The following SLC25A12 variants were observed in gnomAD, a reference collection of about 807,000 sequenced individuals.
SLC25A12 encodes solute carrier family 25 member 12, also known as electrogenic aspartate/glutamate antiporter SLC25A12, mitochondrial.
Under a neutral mutation model 83.3 loss-of-function variants are expected in SLC25A12, and 32 were observed. The ratio of observed to expected loss-of-function variants is 0.38; its 90% CI spans 0.29 to 0.52. The LOEUF (loss-of-function observed/expected upper bound fraction) is 0.52. SLC25A12 is among the 20% of genes least tolerant of loss of function. The pLI, the probability that SLC25A12 is intolerant of heterozygous loss-of-function variation, is 0.84. For missense variants in SLC25A12, 611 were observed against 835.6 expected, an observed-to-expected ratio of 0.73 and a Z score of 3.31; for synonymous variants, 267 against 291.1, an observed-to-expected ratio of 0.92 and a Z score of 0.84.
intron 13 of SLC25A12, among the ~76,000 whole-genome samples, chr2:171,802,134 C>T (rs1467631372): frequency 6.6e-6 from 1 of 152,052 alleles, no homozygotes; most frequent in African/African-American, 2.4e-5. Context: ...CAATCTTACC[C>T]CATCTCCACC....
chr2:171,867,698 G>A (rs933680023), intron 3 of SLC25A12, among the ~76,000 whole-genome samples: 63 of 152,280 alleles, frequency 4.1e-4, no homozygotes, highest in Non-Finnish European at 6.3e-4. Flanking sequence ...ACACTAACCC[G>A]TAAGTCACAG....
At chr2:171,870,457 A>T (rs1685434725) in intron 2 of SLC25A12, among the ~76,000 whole-genome samples, 1 of 152,018 alleles carries the variant, frequency 6.6e-6, no homozygotes, top group African/African-American at 2.4e-5. Context: ...CCCCATCTCT[A>T]CAAAAATACA....
At position 171,893,276 on chromosome 2, in the gene SLC25A12, A is replaced by G; in HGVS notation, c.13-18T>C. On this transcript the variant is annotated intron_variant, in intron 1 of 17. Coordinates refer to ENST00000422440, the MANE Select transcript of SLC25A12 (RefSeq NM_003705.5). ...GTCTGCACCTGTAAGCAAAAAAGAA[A>G]AAAAAGCCAGTTAATGCTTCACTAG... is the stretch of plus-strand genomic sequence containing the variant. The G allele has an allele frequency of 6.2e-7, 1 of 1,613,266 alleles. No individual in the cohort carries two copies. Among genetic ancestry groups the G allele is most frequent in the Middle Eastern group, 1.6e-4 (1 of 6,062 alleles).
chr2:171,831,813 C>A (rs533342248), intron 8 of SLC25A12, among the ~76,000 whole-genome samples: 1 of 151,966 alleles, frequency 6.6e-6, no homozygotes, highest in South Asian at 2.1e-4. Context: ...GCACAAGAAT[C>A]GCTTGAACCC....
At position 171,813,425 on chromosome 2, in the gene SLC25A12, G is replaced by A; in HGVS notation, c.1085C>T (p.Ser362Phe). The A allele has an allele frequency of 6.2e-7, 1 of 1,614,050 alleles. No individual in the cohort carries two copies. The highest frequency in any genetic ancestry group is 8.5e-7 in the Non-Finnish European group (1 of 1,179,958). Residue 362 changes from serine to phenylalanine, a missense_variant, in exon 11 of 18, where the codon TCT (serine) becomes TTT (phenylalanine). Ser to Phe is a radical substitution (Grantham distance 155, BLOSUM62 -2). Coordinates refer to ENST00000422440, the MANE Select transcript of SLC25A12 (RefSeq NM_003705.5). ...TRMQNQRGSG[S>F]VVGELMYKNS... ...TTTGTACATTAGCTCCCCAACAACA[G>A]AGCCAGAGCCACGCTGGTTTTGCAT...
chr2:171,870,746 G>A (rs1390944335), intron 2 of SLC25A12, among the ~76,000 whole-genome samples: 1 of 152,180 alleles, frequency 6.6e-6, no homozygotes, highest in African/African-American at 2.4e-5. Context: ...GAAATGTGAA[G>A]GGAAATACCA....
At chr2:171,815,022 A>C in intron 10 of SLC25A12, 99 bp downstream of exon 10, 4 of 959,968 alleles carry the variant, frequency 4.2e-6, no homozygotes, top group Non-Finnish European at 6.8e-6. Context: ...GTCGTGACCC[A>C]TGGGAACAAT....
chr2:171,801,691 G>T (rs1050806134), intron 13 of SLC25A12, among the ~76,000 whole-genome samples: 1 of 152,056 alleles, frequency 6.6e-6, no homozygotes, highest in Non-Finnish European at 1.5e-5. Context: ...AATTACATGA[G>T]ATATCCAATA....
At chr2:171,842,582 G>A (rs1336126647) in intron 5 of SLC25A12, among the ~76,000 whole-genome samples, 2 of 152,036 alleles carry the variant, frequency 1.3e-5, no homozygotes, top group East Asian at 3.9e-4. Flanking sequence ...TAACAAGAGC[G>A]AAATTCTGTC....
At chr2:171,825,389 A>G (rs1411266700) in intron 9 of SLC25A12, among the ~76,000 whole-genome samples, 1 of 152,210 alleles carries the variant, frequency 6.6e-6, no homozygotes, top group Admixed American at 6.5e-5. Context: ...CAAGTAGAAG[A>G]AAGGTTTCCT....
chr2:171,839,225 A>C (rs1684620699), intron 5 of SLC25A12, among the ~76,000 whole-genome samples: 1 of 152,240 alleles, frequency 6.6e-6, no homozygotes, highest in Non-Finnish European at 1.5e-5. Flanking sequence ...TGAGAATTTT[A>C]TAAGGTGAGT....
chr2:171,893,390 C>A (rs1417188322), intron 1 of SLC25A12, 132 bp from the exon 2 acceptor site: 1 of 823,812 alleles, frequency 1.2e-6, no homozygotes, highest in Non-Finnish European at 2.0e-6. Flanking sequence ...AAACTAAAAG[C>A]CCTAATTGCT....
intron 9 of SLC25A12, among the ~76,000 whole-genome samples, chr2:171,819,247 AATAT>A (rs1023258033): frequency 3.2e-5 from 4 of 126,126 alleles, no homozygotes; most frequent in South Asian, 2.2e-4. Flanking sequence ...AATATATACT[AATAT>A]ATATAATGTA....
At chr2:171,892,451 TCCTGACCTCATGGTCCA>T (rs1401327445) in intron 2 of SLC25A12, among the ~76,000 whole-genome samples, 9 of 152,108 alleles carry the variant, frequency 5.9e-5, no homozygotes, top group Non-Finnish European at 1.3e-4. Context: ...GGTCTCGATC[TCCTGACCTCATGGTCCA>T]CCCGCCTCGG....
intron 4 of SLC25A12, chr2:171,852,609 G>A (rs1573983202): frequency 2.3e-6 from 1 of 442,754 alleles, no homozygotes; most frequent in East Asian, 7.0e-5. Context: ...CTAAACATGT[G>A]CCTATAAATA....
At chr2:171,840,379 C>T (rs1311259825) in intron 5 of SLC25A12, among the ~76,000 whole-genome samples, 1 of 150,488 alleles carries the variant, frequency 6.6e-6, no homozygotes, top group Non-Finnish European at 1.5e-5. Flanking sequence ...AGGTAAGACC[C>T]TGACTCAAAA....
intron 8 of SLC25A12, among the ~76,000 whole-genome samples, chr2:171,829,251 A>G (rs1684380367): frequency 6.6e-6 from 1 of 152,182 alleles, no homozygotes; most frequent in Non-Finnish European, 1.5e-5. Context: ...CCATCCTGCA[A>G]TTAGACCTAT....
intron 13 of SLC25A12, among the ~76,000 whole-genome samples, chr2:171,807,259 CA>C (rs1683853135): frequency 1.3e-5 from 2 of 152,254 alleles, no homozygotes; most frequent in East Asian, 3.9e-4. Flanking sequence ...TTCATGCTGT[CA>C]ATTTCCCACT....
intron 4 of SLC25A12, among the ~76,000 whole-genome samples, chr2:171,847,601 AAG>A (rs1185489768): frequency 6.6e-6 from 1 of 152,194 alleles, no homozygotes; most frequent in Non-Finnish European, 1.5e-5. Context: ...TGCCATGTTT[AAG>A]AATGCTATTT....
Sources: gnomAD v4.1 joint callset for allele counts (sites outside exome capture counted in the v4.1 genomes callset) on GRCh38, gnomAD v4.1.1 for gene constraint, MANE v1.5 for transcripts, NCBI Gene and HGNC (gene_info 2026-07-23, HGNC 2026-07-21) for gene names.